Variants in GLIS3 observed in about 807,000 individuals in gnomAD.
GLIS3 encodes the protein zinc finger protein GLIS3.
A neutral mutation model predicts 78.6 loss-of-function variants in GLIS3; 53 were observed. The observed-to-expected ratio is 0.67, with a 90% CI of 0.54 to 0.85. GLIS3 has a LOEUF of 0.85. GLIS3 is among the 40% of genes least tolerant of loss of function. The pLI, the probability that GLIS3 is intolerant of heterozygous loss-of-function variation, is 0.00. For missense variants in GLIS3, 1,703 were observed against 1,231.1 expected, an observed-to-expected ratio of 1.38 and a Z score of -5.74; for synonymous variants, 684 against 509.9, an observed-to-expected ratio of 1.34 and a Z score of -4.60.
Position 4,119,621 on chromosome 9 carries a change from C to T in GLIS3, c.597-740G>A, listed in dbSNP as rs563663745. On this transcript the variant is annotated intron_variant, in intron 3 of 10. Coordinates refer to ENST00000381971, the MANE Select transcript of GLIS3 (RefSeq NM_001042413.2). Reference sequence around the variant, plus strand: ...ATTAGAGCCATTCGGGATTTAATCACACTTGCTAGTTGGGTTTTCTGTGAA... The same window carrying T: ...ATTAGAGCCATTCGGGATTTAATCATACTTGCTAGTTGGGTTTTCTGTGAA... 5.0e-4 allele frequency among the ~76,000 whole-genome samples: 76 copies of T among 152,288 alleles called. 1 individual carries two copies. Among genetic ancestry groups the T allele is most frequent in the African/African-American group, 1.6e-3 (67 of 41,570 alleles).
intron 2 of GLIS3, among the ~76,000 whole-genome samples, chr9:4,328,975 G>A (rs73386272): frequency 0.038 from 5,745 of 152,298 alleles, 349 homozygotes; most frequent in African/African-American, 0.13. Flanking sequence ...CAGCTCTTGA[G>A]GTGAGTGTAG....
At chr9:4,002,281 GCCTC>G (rs1228627565) in intron 4 of GLIS3, among the ~76,000 whole-genome samples, 4 of 152,114 alleles carry the variant, frequency 2.6e-5, no homozygotes, top group Non-Finnish European at 5.9e-5. Context: ...TTCCTTCAGA[GCCTC>G]CAGAAGGAAC....
chr9:4,112,006 C>A (rs956118998), intron 4 of GLIS3, among the ~76,000 whole-genome samples: 5 of 152,160 alleles, frequency 3.3e-5, no homozygotes, highest in African/African-American at 1.2e-4. Flanking sequence ...TTTTGAAGAT[C>A]ATTTTCTATT....
chr9:4,027,330 T>C (rs2130224727), intron 4 of GLIS3, among the ~76,000 whole-genome samples: 1 of 152,348 alleles, frequency 6.6e-6, no homozygotes, highest in Non-Finnish European at 1.5e-5. Context: ...CAGTGTAATT[T>C]AGCAATTATT....
At chr9:4,080,196 A>G (rs527402032) in intron 4 of GLIS3, among the ~76,000 whole-genome samples, 29 of 152,290 alleles carry the variant, frequency 1.9e-4, no homozygotes, top group African/African-American at 6.7e-4. Context: ...CACCTGACAT[A>G]TTAGTTTTCC....
chr9:3,890,249 TCTA>T (rs1299881102), intron 7 of GLIS3, among the ~76,000 whole-genome samples: 3 of 152,150 alleles, frequency 2.0e-5, no homozygotes, highest in Non-Finnish European at 2.9e-5. Context: ...TAAGGATACT[TCTA>T]CTCTTCATGG....
chr9:4,004,778 C>A (rs2129955861), intron 4 of GLIS3, among the ~76,000 whole-genome samples: 1 of 152,238 alleles, frequency 6.6e-6, no homozygotes, highest in African/African-American at 2.4e-5. Context: ...AGAAGTTAAC[C>A]TATTTAATCC....
chr9:4,063,610 G>A (rs1421806119), intron 4 of GLIS3, among the ~76,000 whole-genome samples: 1 of 151,536 alleles, frequency 6.6e-6, no homozygotes, highest in Non-Finnish European at 1.5e-5. Context: ...AAAATCAGAA[G>A]TACTGCATAT....
At chr9:4,443,404 C>G in the GLIS3 span, among the ~76,000 whole-genome samples, 32,301 of 152,112 alleles carry the variant, frequency 0.21, 3,625 homozygotes, top group Middle Eastern at 0.29. Context: ...TCCCTTGAAT[C>G]AATGAATGAG....
the GLIS3 span, among the ~76,000 whole-genome samples, chr9:4,463,808 T>C: frequency 4.6e-5 from 7 of 152,196 alleles, no homozygotes; most frequent in African/African-American, 1.7e-4. Flanking sequence ...AATTTCCAAG[T>C]TTTTTCATGG....
At chr9:4,002,271 T>A (rs548522615) in intron 4 of GLIS3, among the ~76,000 whole-genome samples, 1 of 152,286 alleles carries the variant, frequency 6.6e-6, no homozygotes, top group African/African-American at 2.4e-5. Flanking sequence ...AAACAGATTC[T>A]TCCTTCAGAG....
At chr9:4,432,727 G>A in the GLIS3 span, among the ~76,000 whole-genome samples, 2 of 138,632 alleles carry the variant, frequency 1.4e-5, no homozygotes, top group South Asian at 4.7e-4. Context: ...TGTAAACTCC[G>A]CCCCCTGCGC....
At chr9:4,145,340 G>A (rs9298995) in intron 2 of GLIS3, 55,342 of 152,092 alleles carry the variant, frequency 0.36, 10,502 homozygotes, top group South Asian at 0.45. Flanking sequence ...GAACACGCTG[G>A]TAAATGAAAA....
intron 2 of GLIS3, among the ~76,000 whole-genome samples, chr9:4,271,724 G>A (rs1240649056): frequency 6.6e-6 from 1 of 152,096 alleles, no homozygotes; most frequent in African/African-American, 2.4e-5. Flanking sequence ...CTTGAATAAG[G>A]TACTTGGGGA....
the GLIS3 span, among the ~76,000 whole-genome samples, chr9:4,484,238 T>A: frequency 7.8e-5 from 11 of 141,850 alleles, no homozygotes; most frequent in East Asian, 9.9e-4. Flanking sequence ...TTTTTTTTTT[T>A]ATTTTTTTTA....
intron 2 of GLIS3, among the ~76,000 whole-genome samples, chr9:4,232,704 A>G (rs1205128179): frequency 1.3e-5 from 2 of 152,234 alleles, no homozygotes; most frequent in Admixed American, 1.3e-4. Context: ...GGAAGTACCC[A>G]TAATAAAGAT....
At chr9:4,043,653 C>T (rs925489578) in intron 4 of GLIS3, among the ~76,000 whole-genome samples, 1 of 152,112 alleles carries the variant, frequency 6.6e-6, no homozygotes, top group African/African-American at 2.4e-5. Flanking sequence ...CCAGGAAAAC[C>T]TTCTTCTCTA....
intron 2 of GLIS3, among the ~76,000 whole-genome samples, chr9:4,134,430 G>A (rs1833238942): frequency 6.6e-6 from 1 of 152,100 alleles, no homozygotes; most frequent in Admixed American, 6.6e-5. Context: ...GGGAAATGGT[G>A]GCTGGCCTCC....
chr9:3,875,401 A>T (rs113745532), intron 8 of GLIS3, among the ~76,000 whole-genome samples: 80 of 152,208 alleles, frequency 5.3e-4, no homozygotes, highest in African/African-American at 1.8e-3. Context: ...GATGTGGTGG[A>T]CCTTTCCTGA....
Sources: allele counts gnomAD v4.1 joint callset (sites outside exome capture counted in the v4.1 genomes callset), GRCh38; gene constraint gnomAD v4.1.1; transcripts MANE v1.5; gene names NCBI Gene and HGNC (gene_info 2026-07-23, HGNC 2026-07-21).